The following BPTF variants were observed in gnomAD, a reference collection of about 807,000 sequenced individuals.
BPTF encodes the protein nucleosome-remodeling factor subunit BPTF.
Under a neutral mutation model 292.5 loss-of-function variants are expected in BPTF, and 18 were observed. The observed-to-expected ratio is 0.06, with a 90% CI of 0.04 to 0.09. The LOEUF is 0.09. BPTF is among the 10% of genes least tolerant of loss of function. BPTF has a pLI of 1.00. For missense variants in BPTF, 2,726 were observed against 3,498.7 expected, an observed-to-expected ratio of 0.78 and a Z score of 5.57; for synonymous variants, 1,225 against 1,251.9, an observed-to-expected ratio of 0.98 and a Z score of 0.45.
intron 26 of BPTF, among the ~76,000 whole-genome samples, chr17:67,971,093 G>T (rs2068706878): frequency 6.6e-6 from 1 of 151,298 alleles, no homozygotes; most frequent in Non-Finnish European, 1.5e-5. Context: ...TACTTTTTTT[G>T]TTTGTTTGTT....
Position 67,891,848 on chromosome 17 carries a change from T to C in BPTF, c.1869T>C (p.Gly623=), listed in dbSNP as rs756652990. 1.1e-5 allele frequency: 18 copies of C among 1,586,164 alleles called. No homozygotes were observed. Among genetic ancestry groups the C allele is most frequent in the Non-Finnish European group, 1.5e-5 (18 of 1,167,166 alleles). Residue 623 remains glycine (G), a synonymous_variant, in exon 5 of 28, where the codon GGT becomes GGC. Transcript: ENST00000306378. Reference sequence around the variant, plus strand: ...TGTGGCCTATTCATTTGACAGTAGGTGATTTCAAATCGGAGAAGTCCAACG... The same window carrying C: ...TGTGGCCTATTCATTTGACAGTAGGCGATTTCAAATCGGAGAAGTCCAACG... ...DDPEQGKSEV[G]DFKSEKSNGE... is the part of the protein sequence containing the mutation.
At chr17:67,904,316 C>T (rs1248978042) in intron 8 of BPTF, among the ~76,000 whole-genome samples, 4 of 152,194 alleles carry the variant, frequency 2.6e-5, no homozygotes, top group African/African-American at 9.6e-5. Flanking sequence ...AGGCATGAGC[C>T]ACTGCTCCTG....
At chr17:67,897,474 A>G (rs977457268) in intron 7 of BPTF, among the ~76,000 whole-genome samples, 18 of 151,920 alleles carry the variant, frequency 1.2e-4, no homozygotes, top group African/African-American at 4.4e-4. Context: ...CAGGTTTCCT[A>G]CATCCACAAA....
chr17:67,909,409 T>TA (rs1157409051), intron 9 of BPTF, among the ~76,000 whole-genome samples, 173 bp from the exon 10 acceptor site: 1 of 151,736 alleles, frequency 6.6e-6, no homozygotes, highest in Non-Finnish European at 1.5e-5. Flanking sequence ...GCCAGGCATA[T>TA]AGGATTATAT....
At chr17:67,831,493 A>G (rs2056675257) in intron 1 of BPTF, among the ~76,000 whole-genome samples, 2 of 152,146 alleles carry the variant, frequency 1.3e-5, no homozygotes, top group South Asian at 4.1e-4. Context: ...GTGCTTTTCT[A>G]TTCTGCTCAC....
At chr17:67,934,976 C>G (rs960922751) in intron 18 of BPTF, among the ~76,000 whole-genome samples, 7 of 151,580 alleles carry the variant, frequency 4.6e-5, no homozygotes, top group Admixed American at 4.6e-4. Context: ...CAGCCTTAAG[C>G]CTTGAAGCTG....
intron 18 of BPTF, among the ~76,000 whole-genome samples, chr17:67,939,338 A>G (rs868440439): frequency 6.6e-6 from 1 of 152,374 alleles, no homozygotes; most frequent in South Asian, 2.1e-4. Flanking sequence ...ACAGATGGAA[A>G]AAAGGCAGCG....
Position 67,912,565 on chromosome 17 carries a change from T to C in BPTF, c.4681T>C (p.Phe1561Leu). ...SEEESNLSND[F>L]IDENGLPINK... ...AGAGGAATCTAATCTCAGTAATGAC[T>C]TTATTGATGAAAATGGTCTGCCCAT... The change falls in exon 11 of 28, where the codon TTT becomes CTT. Residue 1561 changes from phenylalanine to leucine, a missense_variant. Physicochemically the swap from Phe to Leu is conservative, Grantham distance 22. Transcript: ENST00000306378. 1 of 1,613,666 alleles carries C rather than the reference T, an allele frequency of 6.2e-7. No individual in the cohort carries two copies. Among genetic ancestry groups the C allele is most frequent in the Non-Finnish European group, 8.5e-7 (1 of 1,179,848 alleles).
At chr17:67,852,722 A>C (rs189379672) in intron 1 of BPTF, among the ~76,000 whole-genome samples, 29 of 152,390 alleles carry the variant, frequency 1.9e-4, no homozygotes, top group Non-Finnish European at 2.4e-4. Context: ...ACTTAAATGA[A>C]TGTGTGACTA....
chr17:67,862,552 A>G (rs932431622), intron 2 of BPTF, among the ~76,000 whole-genome samples: 6 of 152,108 alleles, frequency 3.9e-5, no homozygotes, highest in South Asian at 2.1e-4. Context: ...CTGGCTCCAG[A>G]ATGTGTGCTC....
intron 8 of BPTF, 143 bp from the exon 9 acceptor site, chr17:67,904,559 C>A: frequency 1.8e-6 from 1 of 552,154 alleles, no homozygotes. Context: ...TTTTTTTGTC[C>A]CCACTTGGAA....
chr17:67,934,847 G>C (rs1161231591), intron 18 of BPTF, among the ~76,000 whole-genome samples: 1 of 119,282 alleles, frequency 8.4e-6, no homozygotes, highest in African/African-American at 3.5e-5. Context: ...ACTCCAGCCT[G>C]AGCAATGAGC....
At chr17:67,829,563 T>G (rs1415567972) in intron 1 of BPTF, among the ~76,000 whole-genome samples, 1 of 152,000 alleles carries the variant, frequency 6.6e-6, no homozygotes, top group South Asian at 2.1e-4. Flanking sequence ...GTGAGTTGAT[T>G]AGGCTAAGTA....
chr17:67,897,345 A>AG (rs2146436361), intron 7 of BPTF, among the ~76,000 whole-genome samples: 1 of 119,960 alleles, frequency 8.3e-6, no homozygotes, highest in African/African-American at 5.5e-5. Flanking sequence ...CTGTCTCAAA[A>AG]AAAAAAAAAA....
chr17:67,895,964 CTTTT>C (rs796964349), intron 7 of BPTF, among the ~76,000 whole-genome samples: 13,561 of 135,282 alleles, frequency 0.1, 2,088 homozygotes, highest in African/African-American at 0.34. Flanking sequence ...CTCAATCAGG[CTTTT>C]TTTTTTTTTT....
chr17:67,907,540 G>A (rs1328835884), intron 9 of BPTF, among the ~76,000 whole-genome samples: 5 of 151,972 alleles, frequency 3.3e-5, no homozygotes, highest in African/African-American at 1.2e-4. Flanking sequence ...ATTTTTAATA[G>A]AGACGGGGTT....
rs369642020 is a variant in BPTF at position 67,853,921 on chromosome 17, G to A, written c.614-19G>A. On this transcript the variant is annotated intron_variant, in intron 1 of 27. Transcript: ENST00000306378. Reference sequence around the variant, plus strand: ...ATGTAATGTATTGATTTGTAATGATGTCACGTCTTTATCTACAGGTAGGCG... The same window carrying A: ...ATGTAATGTATTGATTTGTAATGATATCACGTCTTTATCTACAGGTAGGCG... The A allele has an allele frequency of 3.2e-6, 5 of 1,582,102 alleles. No individual in the cohort carries two copies. Among genetic ancestry groups the A allele is most frequent in the African/African-American group, 1.4e-5 (1 of 73,828 alleles).
chr17:67,833,989 C>T (rs2056930331), intron 1 of BPTF, among the ~76,000 whole-genome samples: 1 of 151,992 alleles, frequency 6.6e-6, no homozygotes, highest in Non-Finnish European at 1.5e-5. Context: ...TTCTCTTTTC[C>T]TTATTCACTC....
At chr17:67,941,052 T>C (rs1198656919) in intron 19 of BPTF, among the ~76,000 whole-genome samples, 2 of 152,250 alleles carry the variant, frequency 1.3e-5, no homozygotes, top group Admixed American at 1.3e-4. Flanking sequence ...TTAGTGAAAC[T>C]TCACAAGCTG....
Sources: gnomAD v4.1 joint callset for allele counts (sites outside exome capture counted in the v4.1 genomes callset) on GRCh38, gnomAD v4.1.1 for gene constraint, MANE v1.5 for transcripts, NCBI Gene and HGNC (gene_info 2026-07-23, HGNC 2026-07-21) for gene names.